Variants in LAPTM4A observed in about 807,000 individuals in gnomAD.
The protein encoded by LAPTM4A is lysosomal protein transmembrane 4 alpha, also known as lysosomal-associated transmembrane protein 4A.
LAPTM4A carries 19 observed loss-of-function variants against 29.9 expected under a neutral mutation model. That is an observed-to-expected ratio of 0.64 (90% CI 0.44 to 0.93). The LOEUF (loss-of-function observed/expected upper bound fraction) is 0.93, where lower values mean the gene tolerates loss of function less well. Among genes scored for constraint, LAPTM4A ranks in the 40% least tolerant of loss-of-function variants. The probability of loss-of-function intolerance (pLI) is 0.00; values close to 1 mark genes in which losing one functional copy is unlikely to be tolerated. For synonymous variants in LAPTM4A, 105 were observed against 102.1 expected, an observed-to-expected ratio of 1.03 and a Z score of -0.17; for missense variants, 293 against 288.5, an observed-to-expected ratio of 1.02 and a Z score of -0.11.
At chr2:20,036,208 A>C (rs554701785) in intron 4 of LAPTM4A, among the ~76,000 whole-genome samples, 2 of 149,972 alleles carry the variant, frequency 1.3e-5, no homozygotes, top group Admixed American at 1.3e-4. Flanking sequence ...GCCCCTGGCC[A>C]CCTTTCTCCA....
At chr2:20,033,770 A>G (rs1673626015) in intron 6 of LAPTM4A, among the ~76,000 whole-genome samples, 1 of 152,196 alleles carries the variant, frequency 6.6e-6, no homozygotes, top group East Asian at 1.9e-4. Flanking sequence ...GAGGAGTGAC[A>G]TTCTAATCGA....
intron 4 of LAPTM4A, among the ~76,000 whole-genome samples, chr2:20,035,632 A>T (rs1016318): frequency 0.69 from 104,869 of 152,110 alleles, 37,597 homozygotes; most frequent in Non-Finnish European, 0.78. Flanking sequence ...TAAATACTTA[A>T]TCAGCCCTGA....
intron 1 of LAPTM4A, among the ~76,000 whole-genome samples, chr2:20,048,728 A>G (rs990841002): frequency 1.3e-5 from 2 of 152,228 alleles, no homozygotes; most frequent in African/African-American, 2.4e-5. Context: ...GAATCAAGCA[A>G]GAGAGTACCT....
At chr2:20,040,050 A>T (rs906884516) in intron 2 of LAPTM4A, among the ~76,000 whole-genome samples, 2 of 152,154 alleles carry the variant, frequency 1.3e-5, no homozygotes, top group Non-Finnish European at 2.9e-5. Flanking sequence ...CTGTCTCAAA[A>T]AAAAAGAAAG....
intron 2 of LAPTM4A, among the ~76,000 whole-genome samples, chr2:20,040,004 C>G (rs1244951690): frequency 6.6e-6 from 1 of 152,114 alleles, no homozygotes; most frequent in Non-Finnish European, 1.5e-5. Flanking sequence ...CGAGATCGCA[C>G]CACTGCACTC....
At position 20,040,881 on chromosome 2, in the gene LAPTM4A, A is replaced by C. The variant is rs201988027; in HGVS notation, c.232+10T>G. On this transcript the variant is annotated intron_variant, in intron 2 of 6. Coordinates refer to ENST00000175091, the MANE Select transcript of LAPTM4A (RefSeq NM_014713.5). Reference sequence around the variant, plus strand: ...GGGGAGATTTTTTTGTTTTTCTATTAAACACATACCAGCCATTCTCTCAGA... The same window carrying C: ...GGGGAGATTTTTTTGTTTTTCTATTCAACACATACCAGCCATTCTCTCAGA... The C allele has an allele frequency of 9.9e-6, 16 of 1,612,712 alleles. No homozygotes were observed. In the East Asian group the frequency reaches 3.6e-4, roughly 36 times the overall value.
In LAPTM4A at chr2:20,041,022, T is replaced by C. The variant is rs988336249; in HGVS notation, c.112-11A>G. On this transcript the variant is annotated splice_polypyrimidine_tract_variant and intron_variant, in intron 1 of 6. Coordinates refer to ENST00000175091, the MANE Select transcript of LAPTM4A (RefSeq NM_014713.5). ...CAATAGGTTTACTACCTGGAAAAGA[T>C]AACATTCTATCAGTTACATTAATTA... is the stretch of plus-strand genomic sequence containing the variant. The C allele has an allele frequency of 7.4e-6, 12 of 1,613,446 alleles. No homozygotes were observed. The African/African-American group carries it at 1.2e-4, about 16-fold the overall frequency.
At chr2:20,051,000 A>G (rs924950068) in intron 1 of LAPTM4A, among the ~76,000 whole-genome samples, 1 of 152,234 alleles carries the variant, frequency 6.6e-6, no homozygotes, top group African/African-American at 2.4e-5. Context: ...TAATTATTTC[A>G]TTAGAGGAAA....
chr2:20,037,366 T>C lies in LAPTM4A; in HGVS notation c.382A>G (p.Ile128Val), dbSNP rs760722103. 8.1e-6 allele frequency: 13 copies of C among 1,613,408 alleles called. No homozygotes were observed. In the South Asian group the frequency reaches 9.9e-5, roughly 12 times the overall value. The change falls in exon 4 of 7, where the codon ATT (isoleucine) becomes GTT (valine). Residue 128 changes from isoleucine to valine, a missense_variant. Coordinates refer to ENST00000175091, the MANE Select transcript of LAPTM4A (RefSeq NM_014713.5). ...CTTGGCAAATAGGTGAGAGAACTAA[T>C]AGCAACCAGGCAACTGAGGACGAAG... Reference protein sequence around the residue: ...FDFVLSCLVAISSLTYLPRIK... With the variant: ...FDFVLSCLVAVSSLTYLPRIK...
intron 2 of LAPTM4A, 97 bp from the exon 3 acceptor site, chr2:20,037,711 T>A: frequency 1.4e-6 from 1 of 739,710 alleles, no homozygotes; most frequent in Non-Finnish European, 2.1e-6. Flanking sequence ...AATTTAAATA[T>A]TTTCAAAATT....
At chr2:20,043,211 C>CT (rs768927745) in intron 1 of LAPTM4A, among the ~76,000 whole-genome samples, 3,659 of 78,266 alleles carry the variant, frequency 0.047, 414 homozygotes, top group Middle Eastern at 0.1. Context: ...TAGCTGGGAC[C>CT]TTTTTTTTTT....
Position 20,051,627 on chromosome 2 carries a change from T to TCAAACCCGCCCC in LAPTM4A, c.-108_-107insGGGGCGGGTTTG. 1 of 707,132 alleles carries TCAAACCCGCCCC rather than the reference T, an allele frequency of 1.4e-6. No individual in the cohort carries two copies. Among genetic ancestry groups the TCAAACCCGCCCC allele is most frequent in the East Asian group, 2.8e-5 (1 of 35,452 alleles). 43.8% of individuals were successfully genotyped at this position (707,132 alleles called of 1,614,324 possible). On this transcript the variant is annotated 5_prime_UTR_variant, in exon 1 of 7. Coordinates refer to ENST00000175091, the MANE Select transcript of LAPTM4A (RefSeq NM_014713.5). ...GCCTCCAAAACCCAACGACGCGTCT[T>TCAAACCCGCCCC]CAAACCCGCCCCCGGCTCGTGCCCC...
intron 6 of LAPTM4A, 63 bp downstream of exon 6, chr2:20,034,254 G>T: frequency 9.0e-7 from 1 of 1,111,482 alleles, no homozygotes; most frequent in Non-Finnish European, 1.4e-6. Context: ...CAAGCTCCAG[G>T]TTCTTCTCCT....
chr2:20,046,779 AAT>A (rs1290760079), intron 1 of LAPTM4A, among the ~76,000 whole-genome samples: 1 of 145,156 alleles, frequency 6.9e-6, no homozygotes, highest in Non-Finnish European at 1.5e-5. Flanking sequence ...ATAATATATA[AAT>A]ATATATATAA....
chr2:20,035,739 T>C (rs1193811239), intron 4 of LAPTM4A, among the ~76,000 whole-genome samples: 3 of 152,142 alleles, frequency 2.0e-5, no homozygotes, highest in Non-Finnish European at 4.4e-5. Flanking sequence ...TACCTTCCAG[T>C]CTGAGGCACT....
At chr2:20,039,474 C>T (rs1372739847) in intron 2 of LAPTM4A, among the ~76,000 whole-genome samples, 2 of 152,184 alleles carry the variant, frequency 1.3e-5, no homozygotes, top group Non-Finnish European at 2.9e-5. Context: ...CTGCTATGGG[C>T]TGGGCACAGT....
At chr2:20,034,251 C>T in intron 6 of LAPTM4A, 66 bp downstream of exon 6, 1 of 1,083,650 alleles carries the variant, frequency 9.2e-7, no homozygotes, top group Non-Finnish European at 1.4e-6. Context: ...AGTCAAGCTC[C>T]AGGTTCTTCT....
intron 4 of LAPTM4A, among the ~76,000 whole-genome samples, chr2:20,035,944 GA>G (rs200508524): frequency 4.0e-5 from 6 of 149,952 alleles, no homozygotes; most frequent in African/African-American, 1.2e-4. Context: ...GAAAAAAATA[GA>G]AAAAAAAAAT....
chr2:20,038,719 T>C (rs562430050), intron 2 of LAPTM4A, among the ~76,000 whole-genome samples: 1 of 152,216 alleles, frequency 6.6e-6, no homozygotes, highest in African/African-American at 2.4e-5. Context: ...AACCCACACC[T>C]GTAATCTCAG....
Sources: allele counts gnomAD v4.1 joint callset (sites outside exome capture counted in the v4.1 genomes callset), GRCh38; gene constraint gnomAD v4.1.1; transcripts MANE v1.5; gene names NCBI Gene and HGNC (gene_info 2026-07-23, HGNC 2026-07-21).